The following MEIS2 variants were observed in gnomAD, a reference collection of about 807,000 sequenced individuals.
MEIS2 encodes the protein Meis homeobox 2.
A neutral mutation model predicts 58.6 loss-of-function variants in MEIS2; 9 were observed. The observed-to-expected ratio is 0.15, with a 90% CI of 0.09 to 0.27. The LOEUF (loss-of-function observed/expected upper bound fraction) is 0.27. Ranked by LOEUF, MEIS2 falls within the 10% of genes least tolerant of loss-of-function variation. The probability of loss-of-function intolerance (pLI) is 1.00; values close to 1 mark genes in which losing one functional copy is unlikely to be tolerated. For missense variants in MEIS2, 427 were observed against 635.0 expected (o/e 0.67, Z 3.52); for synonymous variants, 221 against 228.4 (o/e 0.97, Z 0.29).
intron 8 of MEIS2, among the ~76,000 whole-genome samples, chr15:37,033,072 A>T (rs1325722062): frequency 6.6e-6 from 1 of 152,172 alleles, no homozygotes; most frequent in Non-Finnish European, 1.5e-5. Flanking sequence ...ACTGAGGGTG[A>T]ATGATTTTTG....
intron 8 of MEIS2, among the ~76,000 whole-genome samples, chr15:36,995,997 A>ATGTGTGTGTGTGTGTGTGTG (rs1567160055): frequency 7.0e-5 from 4 of 56,838 alleles, no homozygotes; most frequent in Admixed American, 2.1e-4. Flanking sequence ...ATATATATAT[A>ATGTGTGTGTGTGTGTGTGTG]TATATGTATA....
In MEIS2 at chr15:36,895,133, C is replaced by A; in HGVS notation, c.1147+18G>T. 6.2e-7 allele frequency: 1 copy of A among 1,604,324 alleles called. No individual in the cohort carries two copies. The highest frequency in any genetic ancestry group is 8.5e-7 in the Non-Finnish European group (1 of 1,172,968). On this transcript the variant is annotated intron_variant, in intron 11 of 11. Transcript: ENST00000561208. ...GGCACTTCCCAGGGAAGCCCAGAGG[C>A]GGGATGAGCCAACCTACCTGCAGGC...
chr15:36,891,842 TC>T lies in MEIS2; in HGVS notation c.*330del. 3.1e-6 allele frequency: 1 copy of T among 326,930 alleles called. No individual in the cohort carries two copies. Among genetic ancestry groups the T allele is most frequent in the South Asian group, 4.1e-5 (1 of 24,148 alleles). 20.3% of individuals were successfully genotyped at this position (326,930 alleles called of 1,614,324 possible). On this transcript the variant is annotated 3_prime_UTR_variant, in exon 12 of 12. Coordinates refer to ENST00000561208, the MANE Select transcript of MEIS2 (RefSeq NM_170675.5). Reference sequence around the variant, plus strand: ...TGGAAAACAAGGATATATTTTTTTTTCTCTTCTAAAACTATTTGAGGCAACA... The same window carrying T: ...TGGAAAACAAGGATATATTTTTTTTTTCTTCTAAAACTATTTGAGGCAACA...
intron 7 of MEIS2, among the ~76,000 whole-genome samples, chr15:37,052,310 G>A (rs1596019668): frequency 6.6e-6 from 1 of 152,310 alleles, no homozygotes; most frequent in Non-Finnish European, 1.5e-5. Context: ...GTTTCAGCAG[G>A]CTGTATCTCA....
intron 8 of MEIS2, among the ~76,000 whole-genome samples, chr15:37,003,704 A>G (rs1427041725): frequency 6.6e-6 from 1 of 152,154 alleles, no homozygotes; most frequent in Non-Finnish European, 1.5e-5. Flanking sequence ...TCTTTCCCAA[A>G]TTCATATTTG....
intron 9 of MEIS2, among the ~76,000 whole-genome samples, chr15:36,926,281 G>C (rs1439711634): frequency 2.6e-5 from 4 of 151,780 alleles, no homozygotes; most frequent in African/African-American, 9.7e-5. Flanking sequence ...AGCCAGGGTC[G>C]TTGGAACCTA....
intron 8 of MEIS2, among the ~76,000 whole-genome samples, chr15:36,965,309 C>A (rs1301676998): frequency 2.6e-5 from 4 of 152,090 alleles, no homozygotes; most frequent in Admixed American, 6.6e-5. Flanking sequence ...CAAGCAAGGT[C>A]AACTTACAGA....
chr15:36,961,942 T>C (rs1015920806), intron 8 of MEIS2, among the ~76,000 whole-genome samples: 1 of 152,208 alleles, frequency 6.6e-6, no homozygotes, highest in Non-Finnish European at 1.5e-5. Flanking sequence ...TAAATAATTC[T>C]GTATTTGCAA....
At chr15:37,081,503 G>C (rs1252772528) in intron 7 of MEIS2, among the ~76,000 whole-genome samples, 1 of 152,122 alleles carries the variant, frequency 6.6e-6, no homozygotes, top group Non-Finnish European at 1.5e-5. Context: ...TTGAAACCCT[G>C]TTTAAAAGAC....
intron 8 of MEIS2, among the ~76,000 whole-genome samples, chr15:36,996,012 T>TACAC (rs2060502863): frequency 3.2e-5 from 4 of 124,882 alleles, no homozygotes; most frequent in Non-Finnish European, 5.0e-5. Context: ...TGTATATATA[T>TACAC]ATACATATGT....
chr15:36,950,121 A>C (rs1468605943), intron 9 of MEIS2, among the ~76,000 whole-genome samples: 1 of 152,002 alleles, frequency 6.6e-6, no homozygotes, highest in Non-Finnish European at 1.5e-5. Context: ...GAGAAAAAGA[A>C]AAGGAATAAA....
At chr15:36,921,732 A>AAG (rs1450779554) in intron 9 of MEIS2, among the ~76,000 whole-genome samples, 1 of 152,000 alleles carries the variant, frequency 6.6e-6, no homozygotes, top group Admixed American at 6.6e-5. Context: ...TGAAAAAAAA[A>AAG]AAAATGAAAT....
chr15:36,987,407 CAAA>C lies in MEIS2; in HGVS notation c.901-37010_901-37008del, dbSNP rs71126250. Among the ~76,000 whole-genome samples the C allele has an allele frequency of 3.1e-3, 358 of 115,818 alleles. 4 individuals carry two copies. Among genetic ancestry groups the C allele is most frequent in the East Asian group, 0.028 (117 of 4,186 alleles). 76.0% of individuals were successfully genotyped at this position (115,818 alleles called of 152,430 possible). Reference sequence around the variant, plus strand: ...TGGGCAACGGAGCAAGACCCTGTCTCAAAAAAAAAAAAAAAAAAAAAAATTGTA... The same window carrying C: ...TGGGCAACGGAGCAAGACCCTGTCTCAAAAAAAAAAAAAAAAAAAATTGTA... On this transcript the variant is annotated intron_variant, in intron 8 of 11. Coordinates refer to ENST00000561208, the MANE Select transcript of MEIS2 (RefSeq NM_170675.5).
chr15:37,003,987 T>G (rs1338402164), intron 8 of MEIS2, among the ~76,000 whole-genome samples: 1 of 152,188 alleles, frequency 6.6e-6, no homozygotes, highest in Non-Finnish European at 1.5e-5. Context: ...TGTCTGTTGT[T>G]TATAAACTGA....
intron 1 of MEIS2, chr15:37,098,961 C>G: frequency 1.0e-6 from 1 of 985,404 alleles, no homozygotes; most frequent in Non-Finnish European, 1.2e-6. Flanking sequence ...ACAAAACAAG[C>G]AGCCCAGGCT....
chr15:37,094,702 C>A, intron 4 of MEIS2, 125 bp from the exon 5 acceptor site: 1 of 685,790 alleles, frequency 1.5e-6, no homozygotes, highest in Non-Finnish European at 2.5e-6. Context: ...GGCAGGTGGC[C>A]AGGAAAAACT....
chr15:36,970,233 C>A lies in MEIS2; in HGVS notation c.901-19833G>T, dbSNP rs961517132. ...CCTGGCTAACATGGTGAAACCCCGT[C>A]TCTACTAAAAATACAAAAAAATTAG... On this transcript the variant is annotated intron_variant, in intron 8 of 11. Coordinates refer to ENST00000561208, the MANE Select transcript of MEIS2 (RefSeq NM_170675.5). Among the ~76,000 whole-genome samples, 6 of 152,164 alleles carry A rather than the reference C, an allele frequency of 3.9e-5. No individual in the cohort carries two copies. The East Asian group carries it at 1.2e-3, about 29-fold the overall frequency.
At chr15:37,044,837 T>G (rs2062594043) in intron 7 of MEIS2, among the ~76,000 whole-genome samples, 1 of 152,196 alleles carries the variant, frequency 6.6e-6, no homozygotes, top group Non-Finnish European at 1.5e-5. Flanking sequence ...GTCTGTGAGC[T>G]TTTGCGTTTC....
Position 37,099,481 on chromosome 15 carries a change from A to G in MEIS2, c.-15T>C. 15 of 1,614,058 alleles carry G rather than the reference A, an allele frequency of 9.3e-6. No homozygotes were observed. The highest frequency in any genetic ancestry group is 1.1e-5 in the South Asian group (1 of 91,076). On this transcript the variant is annotated 5_prime_UTR_variant, in exon 1 of 12. Coordinates refer to ENST00000561208, the MANE Select transcript of MEIS2 (RefSeq NM_170675.5). ...CTTTGCGCCATCAGTCTGCGCTCCAATAAACTCCTGGATGTGTCGTATATT... is the reference window on the plus strand; with the variant it reads ...CTTTGCGCCATCAGTCTGCGCTCCAGTAAACTCCTGGATGTGTCGTATATT...
Sources: allele counts gnomAD v4.1 joint callset (sites outside exome capture counted in the v4.1 genomes callset), GRCh38; gene constraint gnomAD v4.1.1; transcripts MANE v1.5; gene names NCBI Gene and HGNC (gene_info 2026-07-23, HGNC 2026-07-21).